NPAS2: variants seen among roughly 807,000 people sequenced by gnomAD.
NPAS2 encodes the protein neuronal PAS domain protein 2.
Under a neutral mutation model 107.5 loss-of-function variants are expected in NPAS2, and 23 were observed. That is an observed-to-expected ratio of 0.21 (90% CI 0.15 to 0.30). The LOEUF is 0.30. Ranked by LOEUF, NPAS2 falls within the 10% of genes least tolerant of loss-of-function variation. The pLI is 1.00. For synonymous variants in NPAS2, 403 were observed against 417.5 expected (o/e 0.97, Z 0.42); for missense variants, 756 against 1,043.3 (o/e 0.72, Z 3.79).
At chr2:100,908,578 G>A (rs1168065351) in intron 2 of NPAS2, among the ~76,000 whole-genome samples, 1 of 152,172 alleles carries the variant, frequency 6.6e-6, no homozygotes, top group African/African-American at 2.4e-5. Context: ...AATAAGTTCT[G>A]ATAGGAATTC....
chr2:100,942,753 T>A (rs1374396747), intron 5 of NPAS2, among the ~76,000 whole-genome samples: 1 of 152,178 alleles, frequency 6.6e-6, no homozygotes, highest in Non-Finnish European at 1.5e-5. Context: ...TTGCTTGTTT[T>A]CCTTTGTAGT....
chr2:100,980,175 G>T (rs569045360), intron 15 of NPAS2, among the ~76,000 whole-genome samples: 1 of 152,046 alleles, frequency 6.6e-6, no homozygotes, highest in Non-Finnish European at 1.5e-5. Context: ...TCCGAATAAC[G>T]TGAGAGGCAG....
chr2:100,953,512 G>T (rs974960750), intron 7 of NPAS2, among the ~76,000 whole-genome samples: 3 of 151,846 alleles, frequency 2.0e-5, no homozygotes, highest in Non-Finnish European at 2.9e-5. Flanking sequence ...GAACAATGAG[G>T]TAACAAAAAA....
Position 100,995,471 on chromosome 2 carries a change from A to G in NPAS2, c.2364A>G (p.Pro788=). 1 of 1,614,062 alleles carries G rather than the reference A, an allele frequency of 6.2e-7. No individual in the cohort carries two copies. Among genetic ancestry groups the G allele is most frequent in the South Asian group, 1.1e-5 (1 of 91,084 alleles). Residue 788 remains proline, a synonymous_variant, in exon 21 of 21, where the codon CCA becomes CCG. Transcript: ENST00000335681. The part of the protein sequence containing the change: ...SLLLSTYSQQ[P]GTLGYPQPPP... ...TTCTCTCCACCTACTCACAACAGCC[A>G]GGGACCCTGGGCTACCCCCAACCAC...
At chr2:100,892,100 G>A (rs1325241652) in intron 1 of NPAS2, among the ~76,000 whole-genome samples, 2 of 152,174 alleles carry the variant, frequency 1.3e-5, no homozygotes, top group African/African-American at 2.4e-5. Flanking sequence ...TTTACACTGT[G>A]CCATCCGAAC....
At chr2:100,841,640 C>G (rs192732791) in intron 1 of NPAS2, among the ~76,000 whole-genome samples, 1 of 151,836 alleles carries the variant, frequency 6.6e-6, no homozygotes, top group Admixed American at 6.6e-5. Context: ...CATTCGATAA[C>G]CAGACTGACC....
At chr2:100,855,911 G>A (rs1678524651) in intron 1 of NPAS2, among the ~76,000 whole-genome samples, 1 of 152,176 alleles carries the variant, frequency 6.6e-6, no homozygotes, top group South Asian at 2.1e-4. Context: ...CACTCAGCTT[G>A]AATGGGGAAG....
chr2:100,853,307 A>G (rs1198695251), intron 1 of NPAS2, among the ~76,000 whole-genome samples: 1 of 152,230 alleles, frequency 6.6e-6, no homozygotes, highest in Non-Finnish European at 1.5e-5. Context: ...ACAGCATCAT[A>G]TGTAAATTTC....
chr2:100,827,623 G>A (rs1255550698), intron 1 of NPAS2, among the ~76,000 whole-genome samples: 1 of 152,156 alleles, frequency 6.6e-6, no homozygotes, highest in East Asian at 1.9e-4. Context: ...CCACTTATAA[G>A]TGAGAACATG....
At chr2:100,933,808 C>G (rs1684136497) in intron 4 of NPAS2, among the ~76,000 whole-genome samples, 1 of 152,152 alleles carries the variant, frequency 6.6e-6, no homozygotes, top group South Asian at 2.1e-4. Flanking sequence ...ATATCCACGC[C>G]CGCAACCAAG....
intron 1 of NPAS2, among the ~76,000 whole-genome samples, chr2:100,891,278 G>A (rs1012019225): frequency 6.6e-6 from 1 of 151,898 alleles, no homozygotes. Context: ...GGTAGATGGT[G>A]CAACATGAGG....
intron 1 of NPAS2, among the ~76,000 whole-genome samples, chr2:100,844,816 A>C (rs189988430): frequency 1.3e-5 from 2 of 152,280 alleles, no homozygotes; most frequent in East Asian, 3.9e-4. Context: ...TTTTCACTGA[A>C]ATTAACTACT....
intron 3 of NPAS2, among the ~76,000 whole-genome samples, chr2:100,926,270 T>G (rs1268011224): frequency 6.6e-6 from 1 of 152,190 alleles, no homozygotes; most frequent in Admixed American, 6.5e-5. Flanking sequence ...TTGATATATG[T>G]TTTCACTTCT....
At chr2:100,895,515 T>C (rs1045276611) in intron 1 of NPAS2, among the ~76,000 whole-genome samples, 2 of 152,330 alleles carry the variant, frequency 1.3e-5, no homozygotes, top group African/African-American at 2.4e-5. Context: ...ATGTGGATGC[T>C]GGACCCAGGA....
chr2:100,978,908 G>T (rs1196945038), intron 15 of NPAS2, among the ~76,000 whole-genome samples: 1 of 152,188 alleles, frequency 6.6e-6, no homozygotes, highest in Non-Finnish European at 1.5e-5. Context: ...TGAACACGGG[G>T]AGTGACAAAC....
intron 3 of NPAS2, among the ~76,000 whole-genome samples, chr2:100,925,550 C>T (rs141318993): frequency 0.017 from 2,583 of 152,204 alleles, 27 homozygotes; most frequent in Non-Finnish European, 0.028. Context: ...AGCACCCAGC[C>T]GAAGCAGCGT....
At chr2:100,845,945 C>T (rs1197956436) in intron 1 of NPAS2, among the ~76,000 whole-genome samples, 1 of 152,238 alleles carries the variant, frequency 6.6e-6, no homozygotes. Flanking sequence ...TCTGGAATTT[C>T]TGTAGGAACC....
intron 1 of NPAS2, among the ~76,000 whole-genome samples, chr2:100,837,692 G>A (rs1187952567): frequency 1.3e-5 from 2 of 152,136 alleles, no homozygotes; most frequent in African/African-American, 4.8e-5. Flanking sequence ...AAAATACTTG[G>A]GGTTAGCTGC....
chr2:100,990,161 G>A, intron 17 of NPAS2, 95 bp from the exon 18 acceptor site: 1 of 1,075,624 alleles, frequency 9.3e-7, no homozygotes, highest in Non-Finnish European at 1.4e-6. Context: ...GGAAAGGCAA[G>A]GGTAGGTAGA....
Sources: gnomAD v4.1 joint callset for allele counts (sites outside exome capture counted in the v4.1 genomes callset) on GRCh38, gnomAD v4.1.1 for gene constraint, MANE v1.5 for transcripts, NCBI Gene and HGNC (gene_info 2026-07-23, HGNC 2026-07-21) for gene names.